The following DNAJC5 variants were observed in gnomAD, a reference collection of about 807,000 sequenced individuals.
DNAJC5 encodes the protein DnaJ heat shock protein family (Hsp40) member C5.
In DNAJC5, 1 loss-of-function variant was observed where a neutral mutation model predicts 23.2. That is an observed-to-expected ratio of 0.04 (90% confidence interval 0.02 to 0.20). DNAJC5 has a LOEUF of 0.20. Ranked by LOEUF, DNAJC5 falls within the 10% of genes least tolerant of loss-of-function variation. DNAJC5 has a pLI of 1.00. For missense variants in DNAJC5, 180 were observed against 267.0 expected (o/e 0.67, Z 2.27); for synonymous variants, 136 against 120.0 (o/e 1.13, Z -0.87).
At chr20:63,908,980 A>G (rs1311203167) in intron 1 of DNAJC5, 2 of 151,874 alleles carry the variant, frequency 1.3e-5, no homozygotes, top group Non-Finnish European at 2.9e-5. Flanking sequence ...GGGAGATACC[A>G]TGATCGCGAA....
rs1017949603 is a variant in DNAJC5, at chr20:63,911,735, G to A, written c.-12+16412G>A. Among the ~76,000 whole-genome samples, 7 of 151,592 alleles carry A rather than the reference G, an allele frequency of 4.6e-5. No individual in the cohort carries two copies. In the South Asian group the frequency reaches 6.2e-4, roughly 14 times the overall value. ...GTCAATCAGGCTGGAGTGCGGTGGCGCGATCTCGGCTCCCTGCAGCCTTGA... is the reference window on the plus strand; with the variant it reads ...GTCAATCAGGCTGGAGTGCGGTGGCACGATCTCGGCTCCCTGCAGCCTTGA... On this transcript the variant is annotated intron_variant, in intron 1 of 4. Coordinates refer to ENST00000360864, the MANE Select transcript of DNAJC5 (RefSeq NM_025219.3).
At chr20:63,921,859 A>G (rs1412612085) in intron 1 of DNAJC5, among the ~76,000 whole-genome samples, 2 of 151,112 alleles carry the variant, frequency 1.3e-5, no homozygotes, top group Non-Finnish European at 2.9e-5. Context: ...GTTCACTGCA[A>G]CCTCCTCCTC....
In DNAJC5 at chr20:63,933,440, T is replaced by C. The variant is rs1321276149; in HGVS notation, c.*1872T>C. 2 of 152,338 alleles carry C rather than the reference T, an allele frequency of 1.3e-5. No individual in the cohort carries two copies. Among genetic ancestry groups the C allele is most frequent in the Non-Finnish European group, 2.9e-5 (2 of 68,040 alleles). 9.4% of individuals were successfully genotyped at this position (152,338 alleles called of 1,614,324 possible). A position where few individuals can be genotyped will look rare whatever the true frequency, so the allele number is the denominator to read the frequency against. On this transcript the variant is annotated 3_prime_UTR_variant, in exon 5 of 5. Coordinates refer to ENST00000360864, the MANE Select transcript of DNAJC5 (RefSeq NM_025219.3). ...ACTAGGTCCTGGGCAGCTTTGTTTGTCCCACTTTTCTTTGTTTCTTCTCAC... is the reference window on the plus strand; with the variant it reads ...ACTAGGTCCTGGGCAGCTTTGTTTGCCCCACTTTTCTTTGTTTCTTCTCAC...
In DNAJC5 at chr20:63,931,539, C is replaced by T; in HGVS notation, c.568C>T (p.Pro190Ser). 1 of 1,582,598 alleles carries T rather than the reference C, an allele frequency of 6.3e-7. No individual in the cohort carries two copies. Among genetic ancestry groups the T allele is most frequent in the Non-Finnish European group, 8.6e-7 (1 of 1,168,482 alleles). ...CACCCAGCTCACAGCCGACTCCCACCCCAGCTACCACACTGACGGGTTCAA... is the reference window on the plus strand; with the variant it reads ...CACCCAGCTCACAGCCGACTCCCACTCCAGCTACCACACTGACGGGTTCAA... Reference protein sequence around the residue: ...ETTQLTADSHPSYHTDGFN With the variant: ...ETTQLTADSHSSYHTDGFN Residue 190 changes from proline (P) to serine (S), a missense_variant, in exon 5 of 5, where the codon CCC (proline) becomes TCC (serine). This residue lies in a region of DNAJC5 where 97 missense variants were observed against 123.4 expected (regional missense o/e 0.79). Coordinates refer to ENST00000360864, the MANE Select transcript of DNAJC5 (RefSeq NM_025219.3). This position sits in a 1 kb window ranked among gnomAD's most constrained non-coding sequence, Gnocchi z 9.6.
At chr20:63,930,627 A>G (rs1026006257) in intron 3 of DNAJC5, among the ~76,000 whole-genome samples, 11 of 152,180 alleles carry the variant, frequency 7.2e-5, no homozygotes, top group African/African-American at 2.2e-4. Flanking sequence ...GATGACAGGC[A>G]TGGGCCACCA....
chr20:63,923,659 A>G (rs150786407), intron 1 of DNAJC5, among the ~76,000 whole-genome samples: 31 of 152,272 alleles, frequency 2.0e-4, no homozygotes, highest in African/African-American at 7.5e-4. Context: ...CAGGAGGTCA[A>G]GGTTGCAGTG....
At chr20:63,912,742 G>T (rs1479485590) in intron 1 of DNAJC5, among the ~76,000 whole-genome samples, 4 of 152,180 alleles carry the variant, frequency 2.6e-5, no homozygotes, top group Non-Finnish European at 5.9e-5. Context: ...CGAGTAGCTG[G>T]GACTACAGGC....
rs115326204 is a variant in DNAJC5, at chr20:63,930,042, C to T, written c.321+517C>T. ...AGGAAATAAGCCTCGATGTTACATC[C>T]GCATTTCTTCGTTTCCTCGTTTTGT... On this transcript the variant is annotated intron_variant, in intron 3 of 4. Coordinates refer to ENST00000360864, the MANE Select transcript of DNAJC5 (RefSeq NM_025219.3). 6.7e-3 allele frequency among the ~76,000 whole-genome samples: 1,015 copies of T among 152,300 alleles called. 5 individuals carry two copies. Among genetic ancestry groups the T allele is most frequent in the African/African-American group, 0.023 (966 of 41,546 alleles).
chr20:63,900,831 G>A (rs2053406867), intron 1 of DNAJC5, among the ~76,000 whole-genome samples: 1 of 152,180 alleles, frequency 6.6e-6, no homozygotes, highest in Admixed American at 6.5e-5. Flanking sequence ...GGATGTGAAT[G>A]AATCTTATTT....
chr20:63,902,656 A>G (rs939104132), intron 1 of DNAJC5, among the ~76,000 whole-genome samples: 37 of 130,176 alleles, frequency 2.8e-4, no homozygotes, highest in Middle Eastern at 6.1e-3. Context: ...GCGTGAGCCA[A>G]CGCACCTGGC....
intron 1 of DNAJC5, among the ~76,000 whole-genome samples, chr20:63,901,443 A>C (rs999581841): frequency 6.6e-6 from 1 of 152,166 alleles, no homozygotes; most frequent in Non-Finnish European, 1.5e-5. Flanking sequence ...GGTAGGGTGG[A>C]AATGTGTTCT....
chr20:63,929,271 C>G lies in DNAJC5; in HGVS notation c.108-41C>G. 1.9e-6 allele frequency: 3 copies of G among 1,588,720 alleles called. No individual in the cohort carries two copies. Among genetic ancestry groups the G allele is most frequent in the Middle Eastern group, 1.7e-4 (1 of 6,044 alleles). On this transcript the variant is annotated intron_variant, in intron 2 of 4. Transcript: ENST00000360864. The surrounding 1 kb of genome is among the most constrained non-coding windows in gnomAD (Gnocchi z 8.6). Reference sequence around the variant, plus strand: ...GACGCGGCGGCGGGTGCGGGTGGAACAAAGTCCAGGGTAGAGCCAGGACAT... The same window carrying G: ...GACGCGGCGGCGGGTGCGGGTGGAAGAAAGTCCAGGGTAGAGCCAGGACAT...
chr20:63,911,550 A>C (rs2053482878), intron 1 of DNAJC5, among the ~76,000 whole-genome samples: 1 of 152,114 alleles, frequency 6.6e-6, no homozygotes. Flanking sequence ...TCGTGGAAGC[A>C]GTTTTATTTT....
In DNAJC5 at chr20:63,929,691, TCA is replaced by T. The variant is rs1294164906; in HGVS notation, c.321+168_321+169del. Among the ~76,000 whole-genome samples the T allele has an allele frequency of 1.4e-5, 2 of 142,812 alleles. No homozygotes were observed. Among genetic ancestry groups the T allele is most frequent in the Non-Finnish European group, 1.5e-5 (1 of 66,272 alleles). The allele number at this position is 142,812 out of a possible 152,430, so 93.7% of individuals were successfully genotyped here. ...CTCTCCTGCCGTGCGGGCACCCGAG[TCA>T]CTCCTGCCGTGCGGGCGCCCGAGTC... On this transcript the variant is annotated intron_variant, in intron 3 of 4. Transcript: ENST00000360864. The surrounding 1 kb of genome is among the most constrained non-coding windows in gnomAD (Gnocchi z 8.6).
chr20:63,900,558 C>A (rs2053405016), intron 1 of DNAJC5, among the ~76,000 whole-genome samples: 1 of 112,030 alleles, frequency 8.9e-6, no homozygotes, highest in Non-Finnish European at 1.6e-5. Flanking sequence ...GCCTGGGCGA[C>A]AGAGCAAGAC....
At chr20:63,901,695 T>G (rs1015957982) in intron 1 of DNAJC5, among the ~76,000 whole-genome samples, 1 of 152,236 alleles carries the variant, frequency 6.6e-6, no homozygotes, top group Non-Finnish European at 1.5e-5. Context: ...TTGCTCCTCC[T>G]GTTATTGGGA....
intron 1 of DNAJC5, among the ~76,000 whole-genome samples, chr20:63,912,227 C>T (rs2053486785): frequency 3.3e-5 from 5 of 151,098 alleles, no homozygotes; most frequent in Admixed American, 1.3e-4. Flanking sequence ...CGCTTGAACC[C>T]GGGAGGCGGA....
Position 63,933,788 on chromosome 20 carries a change from C to G in DNAJC5, c.*2220C>G, listed in dbSNP as rs1453801649. 1 of 152,394 alleles carries G rather than the reference C, an allele frequency of 6.6e-6. No homozygotes were observed. Among genetic ancestry groups the G allele is most frequent in the Non-Finnish European group, 1.5e-5 (1 of 68,056 alleles). The allele number at this position is 152,394 out of a possible 1,614,324, so 9.4% of individuals were successfully genotyped here. ...GAAAGCTGCCCATCGGGGGCCCTAG[C>G]TCAGCCCCACCAGGCCCTCTGTTGG... On this transcript the variant is annotated 3_prime_UTR_variant, in exon 5 of 5. Coordinates refer to ENST00000360864, the MANE Select transcript of DNAJC5 (RefSeq NM_025219.3).
Position 63,935,117 on chromosome 20 carries a change from A to C in DNAJC5, c.*3549A>C, listed in dbSNP as rs1320254824. On this transcript the variant is annotated 3_prime_UTR_variant, in exon 5 of 5. Transcript: ENST00000360864. ...TTCTCCTGTGGAATTGGCAAAAGCT[A>C]CATTTTTACTGTCCTTACCAGCAAC... The C allele has an allele frequency of 6.6e-6, 1 of 152,344 alleles. No homozygotes were observed. The highest frequency in any genetic ancestry group is 2.4e-5 in the African/African-American group (1 of 41,462). 9.4% of individuals were successfully genotyped at this position (152,344 alleles called of 1,614,324 possible).
Sources: allele counts gnomAD v4.1 joint callset (sites outside exome capture counted in the v4.1 genomes callset), GRCh38; gene constraint gnomAD v4.1.1; regional missense constraint gnomAD v4.1.1; non-coding constraint Gnocchi (gnomAD v3.1); transcripts MANE v1.5; gene names NCBI Gene and HGNC (gene_info 2026-07-23, HGNC 2026-07-21).